Variants in RNF213 observed in about 807,000 individuals in gnomAD.
RNF213 encodes the protein E3 ubiquitin-protein ligase RNF213.
RNF213 carries 341 observed loss-of-function variants against 514.4 expected under a neutral mutation model. The observed-to-expected ratio is 0.66, with a 90% CI of 0.61 to 0.73. The LOEUF is 0.73. Among genes scored for constraint, RNF213 ranks in the 30% least tolerant of loss-of-function variants. The pLI is 0.00. For synonymous variants in RNF213, 2,655 were observed against 2,658.2 expected (o/e 1.00, Z 0.04); for missense variants, 5,767 against 6,615.6 (o/e 0.87, Z 4.45).
chr17:80,306,464 C>A lies in RNF213; in HGVS notation c.2423C>A (p.Thr808Lys), dbSNP rs74455936. 6.2e-7 allele frequency: 1 copy of A among 1,613,810 alleles called. No homozygotes were observed. The highest frequency in any genetic ancestry group is 8.5e-7 in the Non-Finnish European group (1 of 1,179,888). Residue 808 changes from threonine (T) to lysine (K), a missense_variant, in exon 12 of 68, where the codon ACG (threonine) becomes AAG (lysine). By Grantham distance (78) the Thr-to-Lys change is moderately conservative. This residue lies in a region of RNF213 where 592 missense variants were observed against 673.9 expected (regional missense o/e 0.88). Transcript: ENST00000582970. The stretch of plus-strand genomic sequence containing the variant: ...CCGGGACTTGAGCAAGTCTTGAATA[C>A]GCAGGTTTGTGTCTGAAGTCGGCTC... ...RLPGLEQVLN[T>K]QDVQDVQNVQ...
At chr17:80,336,603 A>G (rs2077993647) in intron 23 of RNF213, 2 of 595,748 alleles carry the variant, frequency 3.4e-6, no homozygotes, top group Non-Finnish European at 6.2e-6. Flanking sequence ...CTAAGGTGCA[A>G]AACACACGTG....
Position 80,377,016 on chromosome 17 carries a change from C to A in RNF213, c.13510+53C>A. 5 of 1,391,540 alleles carry A rather than the reference C, an allele frequency of 3.6e-6. No individual in the cohort carries two copies. The highest frequency in any genetic ancestry group is 4.1e-6 in the Non-Finnish European group (4 of 983,600). The allele number at this position is 1,391,540 out of a possible 1,614,324, so 86.2% of individuals were successfully genotyped here. ...CACTCCTTTGAGCTTCAAAGGGTGT[C>A]CAGATGCTATGAAGCATTGGGTTCG... On this transcript the variant is annotated intron_variant, in intron 53 of 67. Coordinates refer to ENST00000582970, the MANE Select transcript of RNF213 (RefSeq NM_001256071.3). The surrounding 1 kb of genome is among the most constrained non-coding windows in gnomAD (Gnocchi z 4.1).
intron 8 of RNF213, among the ~76,000 whole-genome samples, chr17:80,292,733 G>A (rs1014943080): frequency 3.3e-5 from 5 of 152,068 alleles, no homozygotes; most frequent in African/African-American, 7.2e-5. Context: ...AGACTTGACT[G>A]TGTTGATCAC....
At position 80,377,869 on chromosome 17, in the gene RNF213, T is replaced by TCAGGAGAGTGAGGCTCTCGGCCTTC; in HGVS notation, c.13545+82_13545+106dup. On this transcript the variant is annotated intron_variant, in intron 54 of 67. Transcript: ENST00000582970. This position sits in a 1 kb window ranked among gnomAD's most constrained non-coding sequence, Gnocchi z 4.1. Reference sequence around the variant, plus strand: ...TGGGTTGGAGGAGGGGGATCGTGGGTCAGGAGAGTGAGGCTCTCGGCCTTC... The same window carrying TCAGGAGAGTGAGGCTCTCGGCCTTC: ...TGGGTTGGAGGAGGGGGATCGTGGGTCAGGAGAGTGAGGCTCTCGGCCTTCCAGGAGAGTGAGGCTCTCGGCCTTC... The TCAGGAGAGTGAGGCTCTCGGCCTTC allele has an allele frequency of 6.5e-7, 1 of 1,550,162 alleles. No homozygotes were observed. Among genetic ancestry groups the TCAGGAGAGTGAGGCTCTCGGCCTTC allele is most frequent in the South Asian group, 1.1e-5 (1 of 89,692 alleles).
At chr17:80,305,775 A>G (rs1161293262) in intron 11 of RNF213, among the ~76,000 whole-genome samples, 1 of 151,802 alleles carries the variant, frequency 6.6e-6, no homozygotes, top group African/African-American at 2.4e-5. Flanking sequence ...ATGTGCCACC[A>G]TGCCTGGCTG....
At chr17:80,392,651 G>A (rs938254191) in intron 67 of RNF213, among the ~76,000 whole-genome samples, 1 of 151,880 alleles carries the variant, frequency 6.6e-6, no homozygotes, top group Non-Finnish European at 1.5e-5. Flanking sequence ...GTGCAGTGGT[G>A]CAATCTCGGC....
At chr17:80,265,278 C>T (rs1015168509) in intron 2 of RNF213, among the ~76,000 whole-genome samples, 22 of 152,232 alleles carry the variant, frequency 1.4e-4, no homozygotes, top group Admixed American at 1.2e-3. Flanking sequence ...AACTCCTGAC[C>T]TCAGGTGATC....
intron 18 of RNF213, among the ~76,000 whole-genome samples, chr17:80,327,550 G>A (rs530159893): frequency 4.3e-4 from 65 of 152,162 alleles, no homozygotes; most frequent in African/African-American, 1.6e-3. Flanking sequence ...TGAGAAATGT[G>A]TCTCCCAGCT....
At chr17:80,307,061 T>A in intron 12 of RNF213, 67 bp from the exon 13 acceptor site, 1 of 1,512,562 alleles carries the variant, frequency 6.6e-7, no homozygotes, top group South Asian at 1.1e-5. Context: ...TTCAGCTCTG[T>A]TTTAGCAATG....
chr17:80,392,299 T>C (rs547974182), intron 67 of RNF213, among the ~76,000 whole-genome samples: 3 of 152,360 alleles, frequency 2.0e-5, no homozygotes, highest in East Asian at 3.9e-4. Context: ...GTGCTTTTCA[T>C]GTAGATAAAA....
intron 67 of RNF213, among the ~76,000 whole-genome samples, chr17:80,391,760 CTTTT>C (rs779136667): frequency 7.9e-5 from 7 of 88,618 alleles, no homozygotes; most frequent in Non-Finnish European, 1.1e-4. Flanking sequence ...ATAAACTAGC[CTTTT>C]TTTTTTTTTT....
chr17:80,357,711 C>T (rs118151456), intron 36 of RNF213, among the ~76,000 whole-genome samples: 2 of 152,334 alleles, frequency 1.3e-5, no homozygotes, highest in East Asian at 3.9e-4. Flanking sequence ...GTGGCTCACA[C>T]CTGTAATCCC....
chr17:80,334,621 T>C (rs1213484549), intron 22 of RNF213, among the ~76,000 whole-genome samples: 1 of 151,344 alleles, frequency 6.6e-6, no homozygotes, highest in Non-Finnish European at 1.5e-5. Flanking sequence ...GAGAGGTTTT[T>C]TTTTTTTGTT....
At chr17:80,281,355 TCACACACACCTCAACACACA>T (rs1568006154) in intron 3 of RNF213, among the ~76,000 whole-genome samples, 2 of 50,556 alleles carry the variant, frequency 4.0e-5, no homozygotes, top group East Asian at 1.2e-3. Flanking sequence ...CACACCCCAC[TCACACACACCTCAACACACA>T]CACACACCCC....
chr17:80,367,732 C>T lies in RNF213; in HGVS notation c.11872-16C>T, dbSNP rs1390401818. The T allele has an allele frequency of 6.2e-7, 1 of 1,610,840 alleles. No homozygotes were observed. Among genetic ancestry groups the T allele is most frequent in the South Asian group, 1.1e-5 (1 of 90,976 alleles). ...CCTCCCCCCTGCTAATGACTCCTGT[C>T]CCTGCCTTTCTTCAGTGTCTTCGAG... is the stretch of plus-strand genomic sequence containing the variant. On this transcript the variant is annotated splice_polypyrimidine_tract_variant and intron_variant, in intron 42 of 67. Transcript: ENST00000582970.
At position 80,386,334 on chromosome 17, in the gene RNF213, G is replaced by GC. The variant is rs761251696; in HGVS notation, c.14626dup (p.Leu4876ProfsTer18). On this transcript the variant is annotated frameshift_variant, in exon 62 of 68. Transcript: ENST00000582970. LOFTEE classifies it high-confidence loss of function. ...GAGATCCTCTTGCCACGCCGACGGGGCCTGGGCCTCTGTGCTACCGCTCTC... is the reference window on the plus strand; with the variant it reads ...GAGATCCTCTTGCCACGCCGACGGGGCCCTGGGCCTCTGTGCTACCGCTCTC... 2 of 1,614,080 alleles carry GC rather than the reference G, an allele frequency of 1.2e-6. No individual in the cohort carries two copies. The highest frequency in any genetic ancestry group is 1.7e-6 in the Non-Finnish European group (2 of 1,180,026).
At chr17:80,286,420 G>T (rs1264278436) in intron 3 of RNF213, among the ~76,000 whole-genome samples, 2 of 152,188 alleles carry the variant, frequency 1.3e-5, no homozygotes, top group Non-Finnish European at 2.9e-5. Flanking sequence ...AGAAGGGGTT[G>T]CAGTGTCGGC....
chr17:80,313,771 T>C (rs373268438), intron 15 of RNF213, among the ~76,000 whole-genome samples: 2,723 of 142,072 alleles, frequency 0.019, 182 homozygotes, highest in African/African-American at 0.072. Context: ...GTGGAGGTAC[T>C]GGAGGTGATG....
In RNF213 at chr17:80,343,642, T is replaced by C. The variant is rs6565677; in HGVS notation, c.6184-215T>C. Reference sequence around the variant, plus strand: ...AATCCTGGAGCCAATTGTAAAACGGTGTATTTATGTGTCTAAACATAAAAA... The same window carrying C: ...AATCCTGGAGCCAATTGTAAAACGGCGTATTTATGTGTCTAAACATAAAAA... On this transcript the variant is annotated intron_variant, in intron 27 of 67. Coordinates refer to ENST00000582970, the MANE Select transcript of RNF213 (RefSeq NM_001256071.3). This position sits in a 1 kb window ranked among gnomAD's most constrained non-coding sequence, Gnocchi z 4.3. Among the ~76,000 whole-genome samples the C allele has an allele frequency of 0.73, 110,967 of 152,102 alleles. 41,281 individuals carry two copies. Among genetic ancestry groups the C allele is most frequent in the African/African-American group, 0.86 (35,694 of 41,486 alleles).
Sources: gnomAD v4.1 joint callset for allele counts (sites outside exome capture counted in the v4.1 genomes callset) on GRCh38, gnomAD v4.1.1 for gene constraint, gnomAD v4.1.1 regional missense constraint, Gnocchi (gnomAD v3.1) non-coding constraint, MANE v1.5 for transcripts, NCBI Gene and HGNC (gene_info 2026-07-23, HGNC 2026-07-21) for gene names.